Variants in RILPL1 observed in about 807,000 individuals in gnomAD.
RILPL1 encodes the protein Rab interacting lysosomal protein like 1.
A neutral mutation model predicts 50.3 loss-of-function variants in RILPL1; 33 were observed. The ratio of observed to expected loss-of-function variants is 0.66; its 90% CI spans 0.50 to 0.88. The LOEUF is 0.88. Ranked by LOEUF, RILPL1 falls within the 40% of genes least tolerant of loss-of-function variation. RILPL1 has a pLI of 0.00. For missense variants in RILPL1, 418 were observed against 542.5 expected, an observed-to-expected ratio of 0.77 and a Z score of 2.28; for synonymous variants, 205 against 228.6, an observed-to-expected ratio of 0.90 and a Z score of 0.93.
intron 6 of RILPL1, among the ~76,000 whole-genome samples, chr12:123,477,492 C>T (rs903578037): frequency 3.9e-5 from 6 of 151,950 alleles, no homozygotes; most frequent in African/African-American, 1.5e-4. Flanking sequence ...GCGTGCACCA[C>T]CCTGCTGGGC....
At chr12:123,518,740 G>T (rs1197900132) in intron 2 of RILPL1, among the ~76,000 whole-genome samples, 1 of 151,792 alleles carries the variant, frequency 6.6e-6, no homozygotes, top group Non-Finnish European at 1.5e-5. Context: ...GGATCTACTG[G>T]GTTCAGTAAA....
In RILPL1 at chr12:123,523,658, G is replaced by A. The variant is rs751579580; in HGVS notation, c.310-13C>T. On this transcript the variant is annotated splice_polypyrimidine_tract_variant and intron_variant, in intron 1 of 6. Coordinates refer to ENST00000376874, the MANE Select transcript of RILPL1 (RefSeq NM_178314.5). ...CCAGCTCCAGCTCCTGCCAAGGCAA[G>A]GGGACAGCATGGGGTCACTGCCTGC... 11 of 1,611,578 alleles carry A rather than the reference G, an allele frequency of 6.8e-6. No individual in the cohort carries two copies. Among genetic ancestry groups the A allele is most frequent in the Non-Finnish European group, 9.3e-6 (11 of 1,179,424 alleles).
intron 6 of RILPL1, among the ~76,000 whole-genome samples, chr12:123,479,341 G>T (rs1267357128): frequency 2.6e-5 from 4 of 152,126 alleles, no homozygotes; most frequent in Non-Finnish European, 5.9e-5. Flanking sequence ...TGCAGGAGGA[G>T]GGGTGGGAAA....
At chr12:123,512,460 GTGTGTGTGAGGGC>G (rs919050750) in intron 2 of RILPL1, among the ~76,000 whole-genome samples, 8 of 142,466 alleles carry the variant, frequency 5.6e-5, no homozygotes, top group Admixed American at 1.4e-4. Flanking sequence ...AGGTCTGTAT[GTGTGTGTGAGGGC>G]TGTGTGTGAG....
chr12:123,511,760 G>A (rs1413508284), intron 2 of RILPL1, among the ~76,000 whole-genome samples: 2 of 137,936 alleles, frequency 1.4e-5, no homozygotes, highest in African/African-American at 5.5e-5. Context: ...TGTGTGTGGT[G>A]TGTGAGGTTT....
At chr12:123,492,955 C>G (rs965975272) in intron 4 of RILPL1, among the ~76,000 whole-genome samples, 2 of 152,182 alleles carry the variant, frequency 1.3e-5, no homozygotes. Context: ...AGGTTTCTCC[C>G]CATGTGATAG....
intron 6 of RILPL1, among the ~76,000 whole-genome samples, chr12:123,479,938 C>T (rs1227309165): frequency 6.6e-6 from 1 of 152,152 alleles, no homozygotes; most frequent in Admixed American, 6.6e-5. Flanking sequence ...TGGAAAGATT[C>T]GTTGGCTAAT....
At chr12:123,484,065 C>A in intron 6 of RILPL1, 115 bp downstream of exon 6, 1 of 658,476 alleles carries the variant, frequency 1.5e-6, no homozygotes, top group Non-Finnish European at 2.7e-6. Context: ...GACGTCTCAG[C>A]AGGATGTGGT....
In RILPL1 at chr12:123,476,297, C is replaced by T. The variant is rs184527453; in HGVS notation, c.1068-3615G>A. The stretch of plus-strand genomic sequence containing the variant: ...NNNTACTAAAAATACAAAAATTAGC[C>T]GGGCGTGGTGGCGCATGCCTGTAAT... On this transcript the variant is annotated intron_variant, in intron 6 of 6. Coordinates refer to ENST00000376874, the MANE Select transcript of RILPL1 (RefSeq NM_178314.5). Among the ~76,000 whole-genome samples, 159 of 121,398 alleles carry T rather than the reference C, an allele frequency of 1.3e-3. 1 individual carries two copies. Among genetic ancestry groups the T allele is most frequent in the African/African-American group, 4.2e-3 (132 of 31,290 alleles). 79.6% of individuals were successfully genotyped at this position (121,398 alleles called of 152,430 possible).
chr12:123,512,920 G>A (rs1466042994), intron 2 of RILPL1, among the ~76,000 whole-genome samples: 2 of 120,188 alleles, frequency 1.7e-5, no homozygotes, highest in African/African-American at 3.2e-5. Context: ...GTATGTGTGT[G>A]GTGACATCTG....
rs190640711 is a variant in RILPL1 at position 123,532,855 on chromosome 12, C to T, written c.309+319G>A. 3.0e-3 allele frequency among the ~76,000 whole-genome samples: 457 copies of T among 152,110 alleles called. 3 individuals are homozygous for T. The highest frequency in any genetic ancestry group is 0.014 in the South Asian group (67 of 4,808). ...CCCATTTAATTCTTCTAAGGTGGGT[C>T]CTATTATGATTACCATTTGACAGGT... On this transcript the variant is annotated intron_variant, in intron 1 of 6. Transcript: ENST00000376874.
At chr12:123,512,660 C>CTG (rs999803469) in intron 2 of RILPL1, among the ~76,000 whole-genome samples, 1 of 95,248 alleles carries the variant, frequency 1.0e-5, no homozygotes, top group Non-Finnish European at 2.0e-5. Context: ...GGTGTGAGAG[C>CTG]TGTGTGTGTG....
At chr12:123,495,703 CAG>C (rs1882987588) in intron 4 of RILPL1, among the ~76,000 whole-genome samples, 1 of 115,538 alleles carries the variant, frequency 8.7e-6, no homozygotes, top group Non-Finnish European at 1.7e-5. Flanking sequence ...TTTTTTGAGA[CAG>C]AGTCTCGCTC....
At chr12:123,512,895 G>GAGGTC (rs1247036001) in intron 2 of RILPL1, among the ~76,000 whole-genome samples, 1 of 141,258 alleles carries the variant, frequency 7.1e-6, no homozygotes, top group Admixed American at 6.9e-5. Flanking sequence ...TGTGGTGTGT[G>GAGGTC]CAGTGTGAGT....
In RILPL1 at chr12:123,519,056, C is replaced by CAA. The variant is rs71652717; in HGVS notation, c.460+4437_460+4438dup. On this transcript the variant is annotated intron_variant, in intron 2 of 6. Coordinates refer to ENST00000376874, the MANE Select transcript of RILPL1 (RefSeq NM_178314.5). Reference sequence around the variant, plus strand: ...TAGGCGACAGAGTGAGACTCCATCTCAAAAAAAAAAAAAAAAAAGAAAAGA... The same window carrying CAA: ...TAGGCGACAGAGTGAGACTCCATCTCAAAAAAAAAAAAAAAAAAAAGAAAAGA... Among the ~76,000 whole-genome samples the CAA allele has an allele frequency of 2.6e-3, 152 of 58,368 alleles. 6 individuals are homozygous for CAA. Among genetic ancestry groups the CAA allele is most frequent in the African/African-American group, 9.5e-3 (135 of 14,154 alleles). 38.3% of individuals were successfully genotyped at this position (58,368 alleles called of 152,430 possible).
At position 123,533,159 on chromosome 12, in the gene RILPL1, G is replaced by A. The variant is rs1175177741; in HGVS notation, c.309+15C>T. On this transcript the variant is annotated intron_variant, in intron 1 of 6. Coordinates refer to ENST00000376874, the MANE Select transcript of RILPL1 (RefSeq NM_178314.5). The surrounding 1 kb of genome is among the most constrained non-coding windows in gnomAD (Gnocchi z 6.2). ...GTCCCACTGCCCGGACGGACAGACC[G>A]AGGCCGCCGCCCACCTTCTGGTGCT... is the stretch of plus-strand genomic sequence containing the variant. 1 of 1,520,630 alleles carries A rather than the reference G, an allele frequency of 6.6e-7. No homozygotes were observed. Among genetic ancestry groups the A allele is most frequent in the Admixed American group, 2.0e-5 (1 of 51,100 alleles). 94.2% of individuals were successfully genotyped at this position (1,520,630 alleles called of 1,614,324 possible).
intron 2 of RILPL1, among the ~76,000 whole-genome samples, chr12:123,521,919 C>T (rs1266898353): frequency 2.0e-5 from 3 of 151,680 alleles, no homozygotes; most frequent in Non-Finnish European, 1.5e-5. Flanking sequence ...ACTCTACAGG[C>T]GCCCGCCTCC....
intron 2 of RILPL1, among the ~76,000 whole-genome samples, chr12:123,511,180 CTGTGTGTGTGTGG>C (rs1884147616): frequency 1.3e-5 from 1 of 79,810 alleles, no homozygotes; most frequent in Non-Finnish European, 2.4e-5. Context: ...TGTGTGAGGT[CTGTGTGTGTGTGG>C]TGTGTGAGGT....
At position 123,485,193 on chromosome 12, in the gene RILPL1, T is replaced by A; in HGVS notation, c.974+440A>T. 1 of 456,850 alleles carries A rather than the reference T, an allele frequency of 2.2e-6. No individual in the cohort carries two copies. The highest frequency in any genetic ancestry group is 4.4e-6 in the Non-Finnish European group (1 of 227,434). The allele number at this position is 456,850 out of a possible 1,614,324, so 28.3% of individuals were successfully genotyped here. On this transcript the variant is annotated intron_variant, in intron 5 of 6. Transcript: ENST00000376874. The surrounding 1 kb of genome is among the most constrained non-coding windows in gnomAD (Gnocchi z 4.0). ...TGGACAAGATAAATAAGACTTCTGG[T>A]CTCATGTTGCTTGTGGTCTCATGTG... is the stretch of plus-strand genomic sequence containing the variant.
Sources: allele counts gnomAD v4.1 joint callset (sites outside exome capture counted in the v4.1 genomes callset), GRCh38; gene constraint gnomAD v4.1.1; non-coding constraint Gnocchi (gnomAD v3.1); transcripts MANE v1.5; gene names NCBI Gene and HGNC (gene_info 2026-07-23, HGNC 2026-07-21).